Variants in JKAMP observed in about 807,000 individuals in gnomAD.
JKAMP encodes the protein JNK1/MAPK8 associated membrane protein.
JKAMP carries 20 observed loss-of-function variants against 40.2 expected under a neutral mutation model. That is an observed-to-expected ratio of 0.50 (90% CI 0.35 to 0.72). JKAMP has a LOEUF of 0.72. JKAMP is among the 30% of genes least tolerant of loss of function. The pLI is 0.01. For missense variants in JKAMP, 276 were observed against 373.0 expected (o/e 0.74, Z 2.14); for synonymous variants, 138 against 131.6 (o/e 1.05, Z -0.33).
intron 6 of JKAMP, among the ~76,000 whole-genome samples, chr14:59,503,219 T>G (rs1471027201): frequency 6.6e-6 from 1 of 152,138 alleles, no homozygotes; most frequent in Non-Finnish European, 1.5e-5. Flanking sequence ...TTAGTACTGG[T>G]TGAGTTGATG....
At position 59,487,668 on chromosome 14, in the gene JKAMP, T is replaced by G; in HGVS notation, c.97-6T>G. On this transcript the variant is annotated splice_region_variant and splice_polypyrimidine_tract_variant and intron_variant, in intron 2 of 6. Coordinates refer to ENST00000616435, the MANE Select transcript of JKAMP (RefSeq NM_016475.5). ...GTACACAAAATATTGGTTTTATATATTATAGGTATGCCCAAGAGGACAGAG... is the reference window on the plus strand; with the variant it reads ...GTACACAAAATATTGGTTTTATATAGTATAGGTATGCCCAAGAGGACAGAG... The G allele has an allele frequency of 6.2e-7, 1 of 1,608,582 alleles. No homozygotes were observed. Among genetic ancestry groups the G allele is most frequent in the Non-Finnish European group, 8.5e-7 (1 of 1,175,182 alleles).
intron 3 of JKAMP, among the ~76,000 whole-genome samples, chr14:59,488,740 A>G (rs1890767085): frequency 6.6e-6 from 1 of 152,168 alleles, no homozygotes; most frequent in Non-Finnish European, 1.5e-5. Flanking sequence ...GATCTTTCCT[A>G]CTTTAGGTTC....
At chr14:59,496,863 G>A (rs1236734861) in intron 4 of JKAMP, among the ~76,000 whole-genome samples, 1 of 152,122 alleles carries the variant, frequency 6.6e-6, no homozygotes, top group Non-Finnish European at 1.5e-5. Context: ...TTAAAATTAT[G>A]AGATATTATA....
At position 59,504,240 on chromosome 14, in the gene JKAMP, G is replaced by A. The variant is rs1892177810; in HGVS notation, c.*168G>A. On this transcript the variant is annotated 3_prime_UTR_variant, in exon 7 of 7. Coordinates refer to ENST00000616435, the MANE Select transcript of JKAMP (RefSeq NM_016475.5). ...TGTTTATGGTTAGACTTACAGACTT[G>A]GAAAATGCAAAACTCTGTAATACTC... 5.0e-6 allele frequency: 3 copies of A among 605,584 alleles called. No homozygotes were observed. Among genetic ancestry groups the A allele is most frequent in the Non-Finnish European group, 8.7e-6 (3 of 343,586 alleles). 37.5% of individuals were successfully genotyped at this position (605,584 alleles called of 1,614,324 possible).
chr14:59,503,932 A>G lies in JKAMP; in HGVS notation c.796A>G (p.Ile266Val). ...CTGGTTACTTCATGCCTATGGAATA[A>G]TCTCCATTTCCAGAGTGGATAAACT... ...SHWLLHAYGI[I>V]SISRVDKLEQ... The change falls in exon 7 of 7, where the codon ATC (isoleucine) becomes GTC (valine). Residue 266 changes from isoleucine to valine, a missense_variant. Transcript: ENST00000616435. 3.7e-6 allele frequency: 6 copies of G among 1,613,590 alleles called. No individual in the cohort carries two copies. The highest frequency in any genetic ancestry group is 5.1e-6 in the Non-Finnish European group (6 of 1,179,526).
intron 5 of JKAMP, among the ~76,000 whole-genome samples, chr14:59,500,329 C>T (rs1205682104): frequency 6.6e-6 from 1 of 152,052 alleles, no homozygotes; most frequent in Non-Finnish European, 1.5e-5. Context: ...GGTTCTACTG[C>T]AATGATAAGT....
At chr14:59,485,030 AAATGGAATCTTAAAACTTT>A in intron 1 of JKAMP, 1 of 1,598,112 alleles carries the variant, frequency 6.3e-7, no homozygotes, top group South Asian at 1.1e-5. Context: ...CGCTGCAAAA[AAATGGAATCTTAAAACTTT>A]AGCCATCGTT....
At chr14:59,498,541 C>T (rs1566580938) in intron 4 of JKAMP, among the ~76,000 whole-genome samples, 186 bp from the exon 5 acceptor site, 1 of 152,136 alleles carries the variant, frequency 6.6e-6, no homozygotes, top group Non-Finnish European at 1.5e-5. Context: ...AAGAAAGCAA[C>T]CATTGTACCC....
rs1041855857 is a variant in JKAMP at position 59,498,763 on chromosome 14, G to C, written c.495G>C (p.Leu165Phe). 2.5e-6 allele frequency: 4 copies of C among 1,589,954 alleles called. No individual in the cohort carries two copies. In the African/African-American group the frequency reaches 4.0e-5, roughly 16 times the overall value. The change falls in exon 5 of 7, where the codon TTG becomes TTC. Residue 165 changes from leucine to phenylalanine, a missense_variant. By Grantham distance (22) the Leu-to-Phe change is conservative. Coordinates refer to ENST00000616435, the MANE Select transcript of JKAMP (RefSeq NM_016475.5). Reference sequence around the variant, plus strand: ...TATTTATCTATTACGCATTCTGCTTGGTATTAATGATGCTGCTCCGACCTC... The same window carrying C: ...TATTTATCTATTACGCATTCTGCTTCGTATTAATGATGCTGCTCCGACCTC... ...TIVFIYYAFC[L>F]VLMMLLRPLL...
Position 59,492,629 on chromosome 14 carries a change from C to G in JKAMP, c.252-2389C>G, listed in dbSNP as rs183545259. Among the ~76,000 whole-genome samples the G allele has an allele frequency of 1.9e-3, 294 of 152,256 alleles. 2 individuals are homozygous for G. Among genetic ancestry groups the G allele is most frequent in the Admixed American group, 0.014 (220 of 15,290 alleles). On this transcript the variant is annotated intron_variant, in intron 3 of 6. Coordinates refer to ENST00000616435, the MANE Select transcript of JKAMP (RefSeq NM_016475.5). ...TCATTTGTATCATAAGCAGTGTTGC[C>G]TAGCAATATAGTTGACATTCTATCC...
rs1337137626 is a variant in JKAMP at position 59,505,100 on chromosome 14, T to C, written c.*1028T>C. The C allele has an allele frequency of 2.2e-6, 1 of 448,520 alleles. No individual in the cohort carries two copies. The highest frequency in any genetic ancestry group is 2.0e-5 in the African/African-American group (1 of 50,476). The allele number at this position is 448,520 out of a possible 1,614,324, so 27.8% of individuals were successfully genotyped here. On this transcript the variant is annotated 3_prime_UTR_variant, in exon 7 of 7. Transcript: ENST00000616435. ...TATTGTTTAGAAGTTTATTTACTGA[T>C]ACTTGGTGGAGGTTGTGTGAATTAG...
At chr14:59,503,197 GAA>G (rs1485031298) in intron 6 of JKAMP, among the ~76,000 whole-genome samples, 6 of 152,116 alleles carry the variant, frequency 3.9e-5, no homozygotes, top group African/African-American at 1.4e-4. Context: ...ACCTAAAACG[GAA>G]AAAGACAGCT....
intron 3 of JKAMP, among the ~76,000 whole-genome samples, chr14:59,491,239 G>A (rs1211371528): frequency 6.6e-6 from 1 of 152,222 alleles, no homozygotes; most frequent in East Asian, 1.9e-4. Context: ...GCCCAGATGT[G>A]TGGAGGCACA....
intron 5 of JKAMP, chr14:59,500,810 G>C (rs1566582535): frequency 6.4e-6 from 1 of 156,060 alleles, no homozygotes; most frequent in Non-Finnish European, 1.4e-5. Flanking sequence ...CCCAAGGATA[G>C]TTTTTACAAT....
Position 59,489,891 on chromosome 14 carries a change from AT to A in JKAMP, c.251+2071del, listed in dbSNP as rs765299301. Among the ~76,000 whole-genome samples, 3 of 137,780 alleles carry A rather than the reference AT, an allele frequency of 2.2e-5. No individual in the cohort carries two copies. In the South Asian group the frequency reaches 6.9e-4, roughly 32 times the overall value. The allele number at this position is 137,780 out of a possible 152,430, so 90.4% of individuals were successfully genotyped here. A position where few individuals can be genotyped will look rare whatever the true frequency, so the allele number is the denominator to read the frequency against. On this transcript the variant is annotated intron_variant, in intron 3 of 6. Coordinates refer to ENST00000616435, the MANE Select transcript of JKAMP (RefSeq NM_016475.5). ...GGGGGAGGAGGTACCTCTTTCTTTC[AT>A]TTTTTTTAATGTTTTATTTTTTAAT...
intron 3 of JKAMP, among the ~76,000 whole-genome samples, chr14:59,490,842 A>G (rs1321851821): frequency 2.0e-5 from 3 of 152,250 alleles, no homozygotes; most frequent in Non-Finnish European, 2.9e-5. Flanking sequence ...CTCAGCCCAC[A>G]GTAAAGAAGA....
intron 1 of JKAMP, chr14:59,485,037 A>G (rs1890421466): frequency 1.3e-6 from 2 of 1,598,072 alleles, no homozygotes; most frequent in Admixed American, 1.7e-5. Flanking sequence ...AAAAAATGGA[A>G]TCTTAAAACT....
intron 4 of JKAMP, among the ~76,000 whole-genome samples, chr14:59,497,453 G>A (rs1414847224): frequency 6.6e-6 from 1 of 152,104 alleles, no homozygotes; most frequent in Non-Finnish European, 1.5e-5. Flanking sequence ...AGTTCATTTG[G>A]AGAAACACAG....
rs749452942 is a variant in JKAMP at position 59,498,878 on chromosome 14, G to A, written c.610G>A (p.Val204Met). ...ACTTTACTTCTTCCCAATTTTAACC[G>A]TGCTTCAGGCAGTTGGTGGAGGCCT... Reference protein sequence around the residue: ...AALYFFPILTVLQAVGGGLLY... With the variant: ...AALYFFPILTMLQAVGGGLLY... Residue 204 changes from valine (V) to methionine (M), a missense_variant, in exon 5 of 7, where the codon GTG becomes ATG. By Grantham distance (21) the Val-to-Met change is conservative. Transcript: ENST00000616435. The A allele has an allele frequency of 3.2e-5, 51 of 1,610,380 alleles. No homozygotes were observed. Among genetic ancestry groups the A allele is most frequent in the Admixed American group, 5.0e-5 (3 of 59,558 alleles).
Sources: gnomAD v4.1 joint callset for allele counts (sites outside exome capture counted in the v4.1 genomes callset) on GRCh38, gnomAD v4.1.1 for gene constraint, MANE v1.5 for transcripts, NCBI Gene and HGNC (gene_info 2026-07-23, HGNC 2026-07-21) for gene names.